SLIT1: variants seen among roughly 807,000 people sequenced by gnomAD.
The protein encoded by SLIT1 is slit homolog 1 protein.
In SLIT1, 66 loss-of-function variants were observed where a neutral mutation model predicts 186.1. That is an observed-to-expected ratio of 0.35 (90% CI 0.29 to 0.44). SLIT1 has a LOEUF of 0.44. SLIT1 is among the 20% of genes least tolerant of loss of function. The pLI is 1.00. For missense variants in SLIT1, 1,638 were observed against 2,037.4 expected (o/e 0.80, Z 3.77); for synonymous variants, 761 against 833.8 (o/e 0.91, Z 1.50).
rs151053787 is a variant in SLIT1 at position 97,064,127 on chromosome 10, G to A, written c.629+41C>T. On this transcript the variant is annotated intron_variant, in intron 7 of 36. Coordinates refer to ENST00000266058, the MANE Select transcript of SLIT1 (RefSeq NM_003061.3). ...CCCCACCCACCCCCTGGCATCAACC[G>A]GGCTTGGCTGCCCCGCTCCCAGCTG... 1.9e-3 allele frequency: 2,907 copies of A among 1,538,632 alleles called. 40 individuals carry two copies. The African/African-American group carries it at 0.029, about 15-fold the overall frequency.
intron 4 of SLIT1, among the ~76,000 whole-genome samples, chr10:97,133,419 A>ACACTGGAT (rs1554852895): frequency 6.6e-6 from 1 of 152,176 alleles, no homozygotes; most frequent in Non-Finnish European, 1.5e-5. Flanking sequence ...TTTAAGACAA[A>ACACTGGAT]CACTGGATGA....
Position 97,001,154 on chromosome 10 carries a change from C to G in SLIT1, c.4563G>C (p.Glu1521Asp). ...AGCCACACTTGGTGGGCTTTTCCACCTCCTCGGCAAAAGAGGTCCCATCGC... is the reference window on the plus strand; with the variant it reads ...AGCCACACTTGGTGGGCTTTTCCACGTCCTCGGCAAAAGAGGTCCCATCGC... ...ECSDGTSFAE[E>D]VEKPTKCGCA... Residue 1521 changes from glutamate (E) to aspartate (D), a missense_variant, in exon 37 of 37, where the codon GAG becomes GAC. This residue lies in a region of SLIT1 where 220 missense variants were observed against 211.3 expected (regional missense o/e 1.04). Coordinates refer to ENST00000266058, the MANE Select transcript of SLIT1 (RefSeq NM_003061.3). 1 of 1,613,240 alleles carries G rather than the reference C, an allele frequency of 6.2e-7. No individual in the cohort carries two copies. Among genetic ancestry groups the G allele is most frequent in the Non-Finnish European group, 8.5e-7 (1 of 1,179,854 alleles).
At chr10:97,036,716 G>A (rs7075194) in intron 22 of SLIT1, among the ~76,000 whole-genome samples, 45,435 of 152,122 alleles carry the variant, frequency 0.3, 7,032 homozygotes, top group Middle Eastern at 0.35. Flanking sequence ...TCACACTAAG[G>A]TGGAATGTTC....
At chr10:97,138,649 G>GGT (rs144610861) in intron 4 of SLIT1, among the ~76,000 whole-genome samples, 772 of 58,970 alleles carry the variant, frequency 0.013, 4 homozygotes, top group African/African-American at 0.029. Context: ...GTAGGAAACT[G>GGT]TTTTTTTTTT....
chr10:97,147,696 T>A (rs959432040), intron 4 of SLIT1, among the ~76,000 whole-genome samples: 1 of 152,158 alleles, frequency 6.6e-6, no homozygotes, highest in Non-Finnish European at 1.5e-5. Flanking sequence ...GTCGCCCCAC[T>A]CTTCAAGAAT....
At chr10:97,057,370 T>G in intron 11 of SLIT1, 89 bp from the exon 12 acceptor site, 1 of 995,372 alleles carries the variant, frequency 1.0e-6, no homozygotes, top group Non-Finnish European at 1.6e-6. Flanking sequence ...TCAACAGCGC[T>G]GCCCCTAAGC....
chr10:97,003,770 T>C (rs1018069072), intron 34 of SLIT1, among the ~76,000 whole-genome samples: 3 of 152,164 alleles, frequency 2.0e-5, no homozygotes, highest in Non-Finnish European at 4.4e-5. Flanking sequence ...GAAAAGCCCC[T>C]TCTAGCCCAA....
chr10:97,055,290 C>T (rs534740146), intron 13 of SLIT1, among the ~76,000 whole-genome samples: 1 of 152,196 alleles, frequency 6.6e-6, no homozygotes, highest in South Asian at 2.1e-4. Flanking sequence ...TAACTAGATA[C>T]TCAATGATAT....
rs1243232175 is a variant in SLIT1, at chr10:97,019,013, C to T, written c.2841G>A (p.Val947=). 1.2e-6 allele frequency: 2 copies of T among 1,613,580 alleles called. No homozygotes were observed. Among genetic ancestry groups the T allele is most frequent in the Non-Finnish European group, 1.7e-6 (2 of 1,179,542 alleles). Residue 947 remains valine (V), a synonymous_variant, in exon 27 of 37, where the codon GTG becomes GTA. Coordinates refer to ENST00000266058, the MANE Select transcript of SLIT1 (RefSeq NM_003061.3). ...AGCCGCTGGGGCAGGCGCACCTGTA[C>T]ACCTCAAGGGGGTCGTTGTGGCAGG... ...QGTCHNDPLE[V]YRCACPSGYK...
chr10:97,027,382 T>G (rs1161672724), intron 25 of SLIT1, among the ~76,000 whole-genome samples: 4 of 152,238 alleles, frequency 2.6e-5, no homozygotes, highest in Non-Finnish European at 5.9e-5. Flanking sequence ...TGTGCATATG[T>G]GCAAACACAT....
chr10:97,175,262 T>C (rs1244859362), intron 1 of SLIT1, among the ~76,000 whole-genome samples: 1 of 152,258 alleles, frequency 6.6e-6, no homozygotes, highest in Non-Finnish European at 1.5e-5. Context: ...ATTCTATATA[T>C]ATAGATCACA....
At chr10:97,132,961 C>T (rs536166282) in intron 4 of SLIT1, among the ~76,000 whole-genome samples, 2 of 152,268 alleles carry the variant, frequency 1.3e-5, no homozygotes, top group South Asian at 2.1e-4. Context: ...GGCGGCCCCA[C>T]GTCCAAGGCA....
intron 1 of SLIT1, among the ~76,000 whole-genome samples, chr10:97,173,533 C>T (rs1333233280): frequency 7.2e-6 from 1 of 139,614 alleles, no homozygotes; most frequent in Non-Finnish European, 1.5e-5. Flanking sequence ...GGGTCTCACT[C>T]TGTTGCCCAG....
chr10:97,028,236 T>C (rs1422250265), intron 25 of SLIT1, among the ~76,000 whole-genome samples: 2 of 152,192 alleles, frequency 1.3e-5, no homozygotes, highest in South Asian at 2.1e-4. Flanking sequence ...ACCTGGCCTA[T>C]GTCCAGAGGC....
In SLIT1 at chr10:97,100,229, G is replaced by A. The variant is rs1054255961; in HGVS notation, c.414-34143C>T. ...AAGTCACTGAGCTGGGACCCGGCAT[G>A]CAGGGAGTGGATGAGGGGACCATCA... On this transcript the variant is annotated intron_variant, in intron 4 of 36. Transcript: ENST00000266058. 6.6e-5 allele frequency among the ~76,000 whole-genome samples: 10 copies of A among 152,294 alleles called. No homozygotes were observed. The East Asian group carries it at 1.9e-3, about 29-fold the overall frequency.
chr10:97,034,104 A>T (rs1243855209), intron 23 of SLIT1, among the ~76,000 whole-genome samples: 1 of 152,080 alleles, frequency 6.6e-6, no homozygotes, highest in Non-Finnish European at 1.5e-5. Context: ...ACCTCAAGTG[A>T]TTCACCTGCC....
intron 2 of SLIT1, 145 bp from the exon 3 acceptor site, chr10:97,163,596 C>T: frequency 1.4e-6 from 1 of 720,220 alleles, no homozygotes; most frequent in South Asian, 1.6e-5. Flanking sequence ...AAGCCTCACA[C>T]AGGCCTATGC....
intron 23 of SLIT1, among the ~76,000 whole-genome samples, chr10:97,033,205 C>T (rs1026566546): frequency 6.6e-6 from 1 of 152,140 alleles, no homozygotes; most frequent in East Asian, 1.9e-4. Flanking sequence ...TGCACCACCA[C>T]ACCTGACTAA....
intron 13 of SLIT1, among the ~76,000 whole-genome samples, chr10:97,052,903 T>C (rs1848803726): frequency 6.6e-6 from 1 of 152,212 alleles, no homozygotes; most frequent in Non-Finnish European, 1.5e-5. Flanking sequence ...GTTGTTAACA[T>C]CTAATAGATG....
Sources: gnomAD v4.1 joint callset for allele counts (sites outside exome capture counted in the v4.1 genomes callset) on GRCh38, gnomAD v4.1.1 for gene constraint, gnomAD v4.1.1 regional missense constraint, MANE v1.5 for transcripts, NCBI Gene and HGNC (gene_info 2026-07-23, HGNC 2026-07-21) for gene names.